The following RSPO3 variants were observed in gnomAD, a reference collection of about 807,000 sequenced individuals.
RSPO3 encodes the protein R-spondin-3.
RSPO3 carries 17 observed loss-of-function variants against 36.5 expected under a neutral mutation model. That is an observed-to-expected ratio of 0.47 (90% confidence interval 0.32 to 0.70). The LOEUF is 0.70. Ranked by LOEUF, RSPO3 falls within the 30% of genes least tolerant of loss-of-function variation. The pLI, the probability that RSPO3 is intolerant of heterozygous loss-of-function variation, is 0.04. For synonymous variants in RSPO3, 108 were observed against 107.0 expected (o/e 1.01, Z -0.06); for missense variants, 294 against 322.5 (o/e 0.91, Z 0.68).
At chr6:127,179,573 T>C (rs1273868244) in intron 4 of RSPO3, among the ~76,000 whole-genome samples, 1 of 151,906 alleles carries the variant, frequency 6.6e-6, no homozygotes, top group African/African-American at 2.4e-5. Flanking sequence ...AAGAAAACCA[T>C]TACAAAGTTG....
In RSPO3 at chr6:127,155,910, A is replaced by G. The variant is rs1401524797; in HGVS notation, c.634+472A>G. 7.2e-5 allele frequency among the ~76,000 whole-genome samples: 11 copies of G among 151,946 alleles called. 2 individuals are homozygous for G. ...TATATATACACACACACACACATAT[A>G]TATAAAATTAAAGACAGAATATCAT... On this transcript the variant is annotated intron_variant, in intron 4 of 4. Coordinates refer to ENST00000356698, the MANE Select transcript of RSPO3 (RefSeq NM_032784.5).
At chr6:127,134,031 G>A (rs1774106775) in intron 1 of RSPO3, among the ~76,000 whole-genome samples, 1 of 152,048 alleles carries the variant, frequency 6.6e-6, no homozygotes, top group African/African-American at 2.4e-5. Context: ...AAATAGCGTT[G>A]GAAATTAATT....
intron 4 of RSPO3, among the ~76,000 whole-genome samples, chr6:127,155,716 G>C (rs796109772): frequency 6.6e-6 from 1 of 152,042 alleles, no homozygotes; most frequent in South Asian, 2.1e-4. Context: ...ACTATAATCT[G>C]CTTTGCTAGT....
rs1319772293 is a variant in RSPO3, at chr6:127,150,416, T to C, written c.290-10T>C. On this transcript the variant is annotated splice_polypyrimidine_tract_variant and intron_variant, in intron 2 of 4. Coordinates refer to ENST00000356698, the MANE Select transcript of RSPO3 (RefSeq NM_032784.5). ...AATGCAAGCATATTTCTTTCTTTTT[T>C]CTCTTTCAGAATGCAAAGCTGACTG... 5.6e-6 allele frequency: 9 copies of C among 1,608,142 alleles called. No homozygotes were observed. Among genetic ancestry groups the C allele is most frequent in the Non-Finnish European group, 5.9e-6 (7 of 1,177,802 alleles).
At chr6:127,127,976 A>G (rs1773971235) in intron 1 of RSPO3, among the ~76,000 whole-genome samples, 1 of 151,960 alleles carries the variant, frequency 6.6e-6, no homozygotes, top group South Asian at 2.1e-4. Flanking sequence ...TTTAAACATA[A>G]AAGTTTGCTG....
intron 1 of RSPO3, among the ~76,000 whole-genome samples, chr6:127,147,192 T>C (rs1774402460): frequency 6.6e-6 from 1 of 152,168 alleles, no homozygotes; most frequent in South Asian, 2.1e-4. Context: ...CAGAGGATGC[T>C]GGTCAACCGA....
chr6:127,146,373 GAC>G, intron 1 of RSPO3, among the ~76,000 whole-genome samples: 1 of 151,970 alleles, frequency 6.6e-6, no homozygotes. Flanking sequence ...AAGTTTTAGA[GAC>G]AGAGGGAATC....
chr6:127,129,163 G>T, intron 1 of RSPO3, among the ~76,000 whole-genome samples: 1 of 152,010 alleles, frequency 6.6e-6, no homozygotes, highest in South Asian at 2.1e-4. Flanking sequence ...TCACTAAAAC[G>T]ACTATAAATA....
At chr6:127,134,795 T>C (rs1013278704) in intron 1 of RSPO3, among the ~76,000 whole-genome samples, 1 of 152,206 alleles carries the variant, frequency 6.6e-6, no homozygotes, top group African/African-American at 2.4e-5. Context: ...TATTATTCCA[T>C]TTTATAAATA....
chr6:127,147,402 A>C (rs1309188020), intron 1 of RSPO3, among the ~76,000 whole-genome samples: 2 of 152,180 alleles, frequency 1.3e-5, no homozygotes, highest in African/African-American at 4.8e-5. Context: ...AGAAGCCAGA[A>C]ATACACTGGG....
intron 1 of RSPO3, among the ~76,000 whole-genome samples, chr6:127,126,818 A>G (rs1233517469): frequency 1.3e-5 from 2 of 152,056 alleles, no homozygotes; most frequent in African/African-American, 4.8e-5. Flanking sequence ...TCACTTCTAC[A>G]ACATCCCCAC....
At chr6:127,164,613 T>C (rs1283417436) in intron 4 of RSPO3, among the ~76,000 whole-genome samples, 1 of 152,048 alleles carries the variant, frequency 6.6e-6, no homozygotes, top group Admixed American at 6.6e-5. Flanking sequence ...GTTTCTGGAA[T>C]TGAATTGTGC....
chr6:127,125,374 G>T (rs915898017), intron 1 of RSPO3, among the ~76,000 whole-genome samples: 2 of 152,168 alleles, frequency 1.3e-5, no homozygotes, highest in South Asian at 2.1e-4. Flanking sequence ...GGAGAAGGTA[G>T]ACTCAGAAGT....
At chr6:127,136,863 G>C (rs1188969620) in intron 1 of RSPO3, among the ~76,000 whole-genome samples, 1 of 152,096 alleles carries the variant, frequency 6.6e-6, no homozygotes, top group Admixed American at 6.5e-5. Context: ...CTTTATTATA[G>C]ATGAGAGTCT....
At chr6:127,146,346 C>T (rs921204398) in intron 1 of RSPO3, among the ~76,000 whole-genome samples, 1 of 151,854 alleles carries the variant, frequency 6.6e-6, no homozygotes, top group Non-Finnish European at 1.5e-5. Flanking sequence ...GTTGACTGTG[C>T]TCCATTTCAT....
In RSPO3 at chr6:127,199,245, G is replaced by T. The variant is rs1775574113; in HGVS notation, c.*3238G>T. On this transcript the variant is annotated 3_prime_UTR_variant, in exon 5 of 5. Coordinates refer to ENST00000356698, the MANE Select transcript of RSPO3 (RefSeq NM_032784.5). Reference sequence around the variant, plus strand: ...TTGGCATCATCTCTTTTGCAAGATTGTTATGAGAATTAAAAGGTTCTTCAT... The same window carrying T: ...TTGGCATCATCTCTTTTGCAAGATTTTTATGAGAATTAAAAGGTTCTTCAT... 1.3e-5 allele frequency among the ~76,000 whole-genome samples: 2 copies of T among 152,098 alleles called. No homozygotes were observed. The highest frequency in any genetic ancestry group is 2.1e-4 in the South Asian group (1 of 4,826).
At chr6:127,153,172 T>A (rs1322092307) in intron 3 of RSPO3, among the ~76,000 whole-genome samples, 3 of 152,234 alleles carry the variant, frequency 2.0e-5, no homozygotes, top group Admixed American at 2.0e-4. Context: ...GCTAAAGATT[T>A]CCAGTTTTAA....
intron 3 of RSPO3, 60 bp from the exon 4 acceptor site, chr6:127,155,181 C>G (rs1774568021): frequency 5.2e-6 from 8 of 1,532,684 alleles, no homozygotes; most frequent in Non-Finnish European, 6.3e-6. Flanking sequence ...CTTTTTTTAA[C>G]TCAACAATAG....
chr6:127,141,007 GT>G (rs2114566961), intron 1 of RSPO3, among the ~76,000 whole-genome samples: 1 of 152,256 alleles, frequency 6.6e-6, no homozygotes, highest in East Asian at 1.9e-4. Context: ...TTATTCATCT[GT>G]TTGTTGCCTT....
Sources: gnomAD v4.1 joint callset for allele counts (sites outside exome capture counted in the v4.1 genomes callset) on GRCh38, gnomAD v4.1.1 for gene constraint, MANE v1.5 for transcripts, NCBI Gene and HGNC (gene_info 2026-07-23, HGNC 2026-07-21) for gene names.